NYAP2: variants seen among roughly 807,000 people sequenced by gnomAD.
The protein encoded by NYAP2 is neuronal tyrosine-phosphorylated phosphoinositide-3-kinase adapter 2.
Under a neutral mutation model 50.4 loss-of-function variants are expected in NYAP2, and 23 were observed. The ratio of observed to expected loss-of-function variants is 0.46; its 90% CI spans 0.33 to 0.65. NYAP2 has a LOEUF of 0.65. Ranked by LOEUF, NYAP2 falls within the 30% of genes least tolerant of loss-of-function variation. The pLI, the probability that NYAP2 is intolerant of heterozygous loss-of-function variation, is 0.02. For missense variants in NYAP2, 885 were observed against 861.0 expected, an observed-to-expected ratio of 1.03 and a Z score of -0.35; for synonymous variants, 394 against 365.2, an observed-to-expected ratio of 1.08 and a Z score of -0.90.
chr2:225,538,759 T>C (rs1691395480), intron 4 of NYAP2, among the ~76,000 whole-genome samples: 1 of 104,010 alleles, frequency 9.6e-6, no homozygotes, highest in African/African-American at 4.0e-5. Flanking sequence ...GAGATTTTCT[T>C]TTCTTTTCTT....
At chr2:225,638,156 T>TGTGTGTG (rs1693456201) in intron 6 of NYAP2, among the ~76,000 whole-genome samples, 3 of 135,222 alleles carry the variant, frequency 2.2e-5, no homozygotes, top group Non-Finnish European at 3.2e-5. Context: ...ACTCGTGTGT[T>TGTGTGTG]TGTGTGTGTG....
downstream of NYAP2, among the ~76,000 whole-genome samples, chr2:225,658,222 T>G (rs1474270222): frequency 6.6e-6 from 1 of 152,122 alleles, no homozygotes; most frequent in East Asian, 1.9e-4. Context: ...CAACACATAT[T>G]AAAATTGGCT....
chr2:225,667,396 C>G, the NYAP2 span, among the ~76,000 whole-genome samples: 2 of 152,016 alleles, frequency 1.3e-5, no homozygotes, highest in Non-Finnish European at 2.9e-5. Flanking sequence ...TACAATTTGT[C>G]AGAGAAATGC....
chr2:225,410,950 CT>C (rs1212932803), intron 3 of NYAP2, among the ~76,000 whole-genome samples: 4 of 152,168 alleles, frequency 2.6e-5, no homozygotes, highest in African/African-American at 9.6e-5. Context: ...GAGTTGATTC[CT>C]GCTAGTCTGA....
At chr2:225,531,738 G>A (rs1157459847) in intron 4 of NYAP2, among the ~76,000 whole-genome samples, 1 of 152,198 alleles carries the variant, frequency 6.6e-6, no homozygotes, top group Non-Finnish European at 1.5e-5. Context: ...GAGAGCGAGT[G>A]CATTTTCTCT....
At chr2:225,441,489 G>A (rs1574616375) in intron 3 of NYAP2, among the ~76,000 whole-genome samples, 2 of 152,134 alleles carry the variant, frequency 1.3e-5, no homozygotes, top group African/African-American at 2.4e-5. Flanking sequence ...GATACTACAT[G>A]AGACTGGCTA....
intron 6 of NYAP2, among the ~76,000 whole-genome samples, chr2:225,641,684 G>A (rs755680138): frequency 7.2e-5 from 11 of 151,882 alleles, no homozygotes; most frequent in East Asian, 1.9e-4. Context: ...GTGGTGGCAC[G>A]TGCCTGTAAT....
chr2:225,608,505 T>C (rs1232262079), intron 5 of NYAP2, among the ~76,000 whole-genome samples: 1 of 152,120 alleles, frequency 6.6e-6, no homozygotes, highest in Non-Finnish European at 1.5e-5. Flanking sequence ...AAACATTCAA[T>C]TTGTTACTTC....
chr2:225,436,258 C>T (rs1479888994), intron 3 of NYAP2, among the ~76,000 whole-genome samples: 1 of 152,184 alleles, frequency 6.6e-6, no homozygotes, highest in African/African-American at 2.4e-5. Context: ...TAAAGTACCA[C>T]AAACCAATTG....
At chr2:225,681,075 T>G in the NYAP2 span, among the ~76,000 whole-genome samples, 1 of 152,164 alleles carries the variant, frequency 6.6e-6, no homozygotes. Context: ...ACCCAAAAAT[T>G]TACTGCTTTT....
intron 3 of NYAP2, among the ~76,000 whole-genome samples, chr2:225,478,048 G>A (rs1402256612): frequency 6.6e-6 from 1 of 152,212 alleles, no homozygotes; most frequent in African/African-American, 2.4e-5. Flanking sequence ...GCCAGGAACG[G>A]TTGAAATTAA....
chr2:225,645,916 G>A (rs999942427), intron 6 of NYAP2, among the ~76,000 whole-genome samples: 7 of 152,204 alleles, frequency 4.6e-5, no homozygotes, highest in Non-Finnish European at 7.3e-5. Flanking sequence ...AAGGATCTGT[G>A]AGAGGCTTGA....
chr2:225,536,470 G>T (rs1168139990), intron 4 of NYAP2, among the ~76,000 whole-genome samples: 1 of 152,202 alleles, frequency 6.6e-6, no homozygotes, highest in African/African-American at 2.4e-5. Flanking sequence ...ACACAGAAAA[G>T]AATGTGCTGA....
intron 4 of NYAP2, among the ~76,000 whole-genome samples, chr2:225,520,305 T>G (rs1455895093): frequency 6.6e-6 from 1 of 152,154 alleles, no homozygotes; most frequent in Non-Finnish European, 1.5e-5. Context: ...TTTTGGCTTT[T>G]GTTGCCACTG....
intron 4 of NYAP2, among the ~76,000 whole-genome samples, chr2:225,572,671 C>T (rs1170417975): frequency 6.6e-6 from 1 of 152,160 alleles, no homozygotes; most frequent in Non-Finnish European, 1.5e-5. Context: ...AGGCATAAAA[C>T]TTTGGAAATA....
intron 3 of NYAP2, among the ~76,000 whole-genome samples, chr2:225,489,843 G>A (rs1690373261): frequency 6.6e-6 from 1 of 152,168 alleles, no homozygotes; most frequent in African/African-American, 2.4e-5. Context: ...TCAAATAATA[G>A]ATATCTGTGG....
chr2:225,646,616 C>T (rs1363261504), intron 6 of NYAP2, among the ~76,000 whole-genome samples: 1 of 152,124 alleles, frequency 6.6e-6, no homozygotes, highest in African/African-American at 2.4e-5. Context: ...GTGTGTGTGT[C>T]TGTGTGTATC....
chr2:225,628,084 C>G (rs1404635512), intron 6 of NYAP2, among the ~76,000 whole-genome samples: 2 of 152,170 alleles, frequency 1.3e-5, no homozygotes, highest in Admixed American at 1.3e-4. Flanking sequence ...GAACAATACC[C>G]AGACAGGAGC....
intron 4 of NYAP2, among the ~76,000 whole-genome samples, chr2:225,522,249 C>G (rs372388525): frequency 3.9e-5 from 6 of 152,196 alleles, no homozygotes; most frequent in East Asian, 3.9e-4. Flanking sequence ...AGTATTCCTA[C>G]CTTCCATTTG....
Sources: gnomAD v4.1 joint callset for allele counts (sites outside exome capture counted in the v4.1 genomes callset) on GRCh38, gnomAD v4.1.1 for gene constraint, MANE v1.5 for transcripts, NCBI Gene and HGNC (gene_info 2026-07-23, HGNC 2026-07-21) for gene names.